Variants in ABL2 observed in about 807,000 individuals in gnomAD.
The protein encoded by ABL2 is ABL proto-oncogene 2, non-receptor tyrosine kinase.
In ABL2, 49 loss-of-function variants were observed where a neutral mutation model predicts 107.7. That is an observed-to-expected ratio of 0.45 (90% CI 0.36 to 0.58). The LOEUF (loss-of-function observed/expected upper bound fraction) is 0.58, where lower values mean the gene tolerates loss of function less well. ABL2 is among the 20% of genes least tolerant of loss of function. ABL2 has a pLI of 0.00. For synonymous variants in ABL2, 549 were observed against 548.6 expected, an observed-to-expected ratio of 1.00 and a Z score of -0.01; for missense variants, 1,245 against 1,457.0, an observed-to-expected ratio of 0.85 and a Z score of 2.37.
chr1:179,153,728 G>T (rs1160669615), intron 1 of ABL2, among the ~76,000 whole-genome samples: 2 of 151,960 alleles, frequency 1.3e-5, no homozygotes, highest in Non-Finnish European at 2.9e-5. Context: ...TAGGTTCCAG[G>T]GATTAGGACA....
chr1:179,178,464 A>G (rs1409748517), intron 1 of ABL2, among the ~76,000 whole-genome samples: 2 of 151,652 alleles, frequency 1.3e-5, no homozygotes, highest in African/African-American at 4.8e-5. Flanking sequence ...TTCATGCTCC[A>G]GAAACCCAAG....
chr1:179,110,663 G>C lies in ABL2; in HGVS notation c.1652-208C>G, dbSNP rs554134348. The C allele has an allele frequency of 7.4e-5, 114 of 1,545,248 alleles. 1 individual carries two copies. The African/African-American group carries it at 1.5e-3, about 20-fold the overall frequency. On this transcript the variant is annotated intron_variant, in intron 10 of 11. Transcript: ENST00000502732. Reference sequence around the variant, plus strand: ...TCGTCCACGCTGCTGCATGTGGCAGGGGTTCTCATTGCTGTGTAGCATGCC... The same window carrying C: ...TCGTCCACGCTGCTGCATGTGGCAGCGGTTCTCATTGCTGTGTAGCATGCC...
At chr1:179,221,277 T>C (rs1217845761) in intron 1 of ABL2, 2 of 157,174 alleles carry the variant, frequency 1.3e-5, no homozygotes, top group Non-Finnish European at 2.8e-5. Flanking sequence ...CGAGATTTTT[T>C]AGACACATAC....
At chr1:179,184,886 AC>A (rs1660594863) in intron 1 of ABL2, among the ~76,000 whole-genome samples, 1 of 151,942 alleles carries the variant, frequency 6.6e-6, no homozygotes, top group Non-Finnish European at 1.5e-5. Flanking sequence ...AAGAGTCTCT[AC>A]CCCTTTCTGT....
chr1:179,229,187 GA>G, intron 1 of ABL2, 53 bp downstream of exon 1: 2 of 120,774 alleles, frequency 1.7e-5, no homozygotes, highest in Non-Finnish European at 2.5e-5. Context: ...ACCCCGCCCC[GA>G]CCCCACCCCC....
chr1:179,161,188 T>C (rs1224966491), intron 1 of ABL2, among the ~76,000 whole-genome samples: 1 of 152,068 alleles, frequency 6.6e-6, no homozygotes, highest in Admixed American at 6.5e-5. Context: ...CATACCCCTC[T>C]CAAGGTATGA....
At chr1:179,112,904 G>A (rs546077324) in intron 9 of ABL2, among the ~76,000 whole-genome samples, 11 of 152,198 alleles carry the variant, frequency 7.2e-5, no homozygotes, top group Non-Finnish European at 1.0e-4. Flanking sequence ...ACAGGCGCAC[G>A]CCACCACGTC....
Position 179,229,425 on chromosome 1 carries a change from C to A in ABL2, c.-28G>T, listed in dbSNP as rs1335418642. ...CTGCTCTCGCGTACTCCCGCGCCCC[C>A]GCCGACCCCTGGTCACATTCCTCCT... On this transcript the variant is annotated 5_prime_UTR_variant, in exon 1 of 12. Coordinates refer to ENST00000502732, the MANE Select transcript of ABL2 (RefSeq NM_007314.4). 2.7e-6 allele frequency: 4 copies of A among 1,484,646 alleles called. No homozygotes were observed. The highest frequency in any genetic ancestry group is 1.5e-5 in the African/African-American group (1 of 67,976). The allele number at this position is 1,484,646 out of a possible 1,614,324, so 92.0% of individuals were successfully genotyped here. A position where few individuals can be genotyped will look rare whatever the true frequency, so the allele number is the denominator to read the frequency against.
intron 1 of ABL2, among the ~76,000 whole-genome samples, chr1:179,145,933 T>C (rs1657958208): frequency 6.7e-6 from 1 of 149,966 alleles, no homozygotes; most frequent in Non-Finnish European, 1.5e-5. Context: ...TTGCTCTGTC[T>C]CCCAGGCTGG....
At position 179,108,745 on chromosome 1, in the gene ABL2, G is replaced by A. The variant is rs945422413; in HGVS notation, c.2522C>T (p.Ala841Val). 8.1e-6 allele frequency: 13 copies of A among 1,614,080 alleles called. No homozygotes were observed. Among genetic ancestry groups the A allele is most frequent in the African/African-American group, 1.3e-5 (1 of 74,930 alleles). Reference sequence around the variant, plus strand: ...TTTTGGTCTCTCCCTGCTTGGAGCAGCACTTTCCTCTGATTTTTTTGGAAG... The same window carrying A: ...TTTTGGTCTCTCCCTGCTTGGAGCAACACTTTCCTCTGATTTTTTTGGAAG... ...DMLPKKSEES[A>V]APSRERPKAK... is the part of the protein sequence containing the mutation. Residue 841 changes from alanine (A) to valine (V), a missense_variant, in exon 12 of 12, where the codon GCT becomes GTT. Transcript: ENST00000502732.
chr1:179,196,959 T>C (rs575415647), intron 1 of ABL2, among the ~76,000 whole-genome samples: 1 of 152,266 alleles, frequency 6.6e-6, no homozygotes, highest in East Asian at 1.9e-4. Context: ...ATGAATCAAA[T>C]AGCAGATTAG....
intron 1 of ABL2, chr1:179,183,916 GA>G (rs1169479938): frequency 1.9e-5 from 5 of 257,866 alleles, no homozygotes; most frequent in Middle Eastern, 1.6e-3. Context: ...GAGACTGGAA[GA>G]GACATCATCA....
chr1:179,211,025 T>C (rs1558001764), intron 1 of ABL2, among the ~76,000 whole-genome samples: 2 of 152,064 alleles, frequency 1.3e-5, no homozygotes, highest in East Asian at 1.9e-4. Flanking sequence ...AACCACAGCA[T>C]ATAGCCAAGA....
intron 6 of ABL2, 75 bp downstream of exon 6, chr1:179,120,115 A>T: frequency 3.4e-6 from 3 of 889,616 alleles, no homozygotes; most frequent in Non-Finnish European, 5.1e-6. Context: ...AAAAAAAAAA[A>T]GCATTTGGAG....
At chr1:179,201,595 T>G (rs1423834815) in intron 1 of ABL2, 2 of 402,478 alleles carry the variant, frequency 5.0e-6, no homozygotes, top group African/African-American at 4.2e-5. Flanking sequence ...CAGGGCTGGT[T>G]ATTTCCTCTG....
At chr1:179,189,425 C>G (rs975328168) in intron 1 of ABL2, among the ~76,000 whole-genome samples, 1 of 152,046 alleles carries the variant, frequency 6.6e-6, no homozygotes, top group Admixed American at 6.6e-5. Flanking sequence ...TGAGCCACCG[C>G]GCCCTGCCCT....
Position 179,106,449 on chromosome 1 carries a change from C to T in ABL2, c.*1269G>A, listed in dbSNP as rs914947115. 2.6e-5 allele frequency: 6 copies of T among 232,590 alleles called. No individual in the cohort carries two copies. Among genetic ancestry groups the T allele is most frequent in the African/African-American group, 1.1e-4 (5 of 45,308 alleles). 14.4% of individuals were successfully genotyped at this position (232,590 alleles called of 1,614,324 possible). ...AATGACAAAATAAATAAAGAATATT[C>T]CCAATAAGATCTGTACAAATAAGCA... On this transcript the variant is annotated 3_prime_UTR_variant, in exon 12 of 12. Transcript: ENST00000502732.
In ABL2 at chr1:179,121,799, A is replaced by G; in HGVS notation, c.756T>C (p.Ala252=). The G allele has an allele frequency of 6.2e-7, 1 of 1,614,110 alleles. No individual in the cohort carries two copies. Among genetic ancestry groups the G allele is most frequent in the Non-Finnish European group, 8.5e-7 (1 of 1,180,028 alleles). ...AGTGTAATGTTGTCACCAGCCCATC[A>G]GCCACTGTGGAGTGATGGTGTACAA... ...AELVHHHSTV[A]DGLVTTLHYP... Residue 252 remains alanine, a synonymous_variant, in exon 5 of 12, where the codon GCT becomes GCC. Coordinates refer to ENST00000502732, the MANE Select transcript of ABL2 (RefSeq NM_007314.4).
At chr1:179,131,224 G>C in intron 3 of ABL2, 87 bp downstream of exon 3, 8 of 1,432,682 alleles carry the variant, frequency 5.6e-6, no homozygotes, top group Non-Finnish European at 7.6e-6. Flanking sequence ...GATTATAGGT[G>C]TGAGCCACTG....
Sources: gnomAD v4.1 joint callset for allele counts (sites outside exome capture counted in the v4.1 genomes callset) on GRCh38, gnomAD v4.1.1 for gene constraint, MANE v1.5 for transcripts, NCBI Gene and HGNC (gene_info 2026-07-23, HGNC 2026-07-21) for gene names.